Variants in MLLT3 observed in about 807,000 individuals in gnomAD.
The protein encoded by MLLT3 is MLLT3 super elongation complex subunit, also known as protein AF-9.
A neutral mutation model predicts 53.2 loss-of-function variants in MLLT3; 4 were observed. The observed-to-expected ratio is 0.08, with a 90% CI of 0.04 to 0.17. The LOEUF is 0.17. MLLT3 is among the 10% of genes least tolerant of loss of function. MLLT3 has a pLI of 1.00. For synonymous variants in MLLT3, 283 were observed against 230.6 expected (o/e 1.23, Z -2.06); for missense variants, 569 against 684.0 (o/e 0.83, Z 1.87).
At chr9:20,413,037 T>C (rs141382664) in intron 5 of MLLT3, among the ~76,000 whole-genome samples, 7 of 152,134 alleles carry the variant, frequency 4.6e-5, no homozygotes, top group Admixed American at 3.9e-4. Context: ...TCCTACCCAT[T>C]AGCAAAAACT....
intron 5 of MLLT3, among the ~76,000 whole-genome samples, chr9:20,410,227 C>A (rs1822691800): frequency 6.6e-6 from 1 of 151,986 alleles, no homozygotes; most frequent in Non-Finnish European, 1.5e-5. Context: ...AAAAGGACAC[C>A]AGAGTTCTGC....
At chr9:20,566,684 A>T (rs1819385314) in intron 2 of MLLT3, among the ~76,000 whole-genome samples, 1 of 152,110 alleles carries the variant, frequency 6.6e-6, no homozygotes. Flanking sequence ...GAAATAATCA[A>T]ACGGTTAAAG....
At chr9:20,442,437 T>C (rs942312170) in intron 4 of MLLT3, among the ~76,000 whole-genome samples, 2 of 152,180 alleles carry the variant, frequency 1.3e-5, no homozygotes, top group African/African-American at 4.8e-5. Flanking sequence ...ATTACTGGTG[T>C]CCTAGAGGAA....
chr9:20,563,846 C>A (rs182899194), intron 2 of MLLT3, among the ~76,000 whole-genome samples: 2 of 152,098 alleles, frequency 1.3e-5, no homozygotes, highest in Non-Finnish European at 2.9e-5. Context: ...GAATGACAAA[C>A]AGAATCTGTA....
At chr9:20,394,538 T>C (rs953778987) in intron 5 of MLLT3, among the ~76,000 whole-genome samples, 1 of 152,098 alleles carries the variant, frequency 6.6e-6, no homozygotes, top group African/African-American at 2.4e-5. Context: ...TCCCACTAGG[T>C]AAATTTGGGG....
In MLLT3 at chr9:20,430,175, T is replaced by TA. The variant is rs574414716; in HGVS notation, c.421-15751dup. Among the ~76,000 whole-genome samples the TA allele has an allele frequency of 5.9e-5, 9 of 152,242 alleles. No homozygotes were observed. The South Asian group carries it at 8.3e-4, about 14-fold the overall frequency. Reference sequence around the variant, plus strand: ...TAAATAAAGCATAAAACTACACAGATACTTTAAAGACATTAAATAACATTT... The same window carrying TA: ...TAAATAAAGCATAAAACTACACAGATAACTTTAAAGACATTAAATAACATTT... On this transcript the variant is annotated intron_variant, in intron 4 of 10. Transcript: ENST00000380338.
chr9:20,402,709 A>G (rs1822486329), intron 5 of MLLT3, among the ~76,000 whole-genome samples: 1 of 152,142 alleles, frequency 6.6e-6, no homozygotes, highest in Non-Finnish European at 1.5e-5. Flanking sequence ...CTGGTTGGCA[A>G]TATCCCAGAG....
intron 2 of MLLT3, among the ~76,000 whole-genome samples, chr9:20,543,723 G>C (rs577884958): frequency 5.3e-5 from 8 of 150,990 alleles, no homozygotes; most frequent in Admixed American, 2.0e-4. Context: ...GACGGAGGAG[G>C]AAGGAGGAAG....
chr9:20,617,922 T>C (rs1440161740), intron 2 of MLLT3, among the ~76,000 whole-genome samples: 1 of 152,344 alleles, frequency 6.6e-6, no homozygotes, highest in Admixed American at 6.5e-5. Context: ...TCCTACAAAT[T>C]CTAATATTAC....
At chr9:20,395,070 C>T (rs1363106466) in intron 5 of MLLT3, among the ~76,000 whole-genome samples, 2 of 152,144 alleles carry the variant, frequency 1.3e-5, no homozygotes, top group Non-Finnish European at 2.9e-5. Context: ...AGGAACTAAA[C>T]CATAGCGTCT....
intron 4 of MLLT3, among the ~76,000 whole-genome samples, chr9:20,419,145 C>T (rs1308645448): frequency 6.6e-6 from 1 of 151,964 alleles, no homozygotes; most frequent in African/African-American, 2.4e-5. Context: ...AGCAGTATGA[C>T]TACTTAAGGA....
intron 2 of MLLT3, among the ~76,000 whole-genome samples, chr9:20,506,649 C>T (rs1825387972): frequency 6.6e-6 from 1 of 152,100 alleles, no homozygotes; most frequent in Admixed American, 6.6e-5. Flanking sequence ...CAGACCTTGG[C>T]ACACATAAAT....
At position 20,342,883 on chromosome 9, in the gene MLLT3, TTAG is replaced by T. The variant is rs1820771636; in HGVS notation, c.*3557_*3559del. 1 of 180,708 alleles carries T rather than the reference TTAG, an allele frequency of 5.5e-6. No homozygotes were observed. Among genetic ancestry groups the T allele is most frequent in the African/African-American group, 2.4e-5 (1 of 41,804 alleles). The allele number at this position is 180,708 out of a possible 1,614,324, so 11.2% of individuals were successfully genotyped here. A position where few individuals can be genotyped will look rare whatever the true frequency, so the allele number is the denominator to read the frequency against. ...ATAAATATAGGAGCAGTACATAGCA[TTAG>T]TACACAAAACGCTAAAGGTGGAAAG... On this transcript the variant is annotated 3_prime_UTR_variant, in exon 11 of 11. Transcript: ENST00000380338.
Position 20,622,440 on chromosome 9 carries a change from C to G in MLLT3, c.-184G>C. ...CTTGCTCGCTCGCTCGCTTATTAAA[C>G]TCAGCCCCAAAAGCAAAAGCAGCAG... is the stretch of plus-strand genomic sequence containing the variant. On this transcript the variant is annotated 5_prime_UTR_variant, in exon 1 of 11. Transcript: ENST00000380338. 1.8e-6 allele frequency: 1 copy of G among 564,600 alleles called. No homozygotes were observed. Among genetic ancestry groups the G allele is most frequent in the Middle Eastern group, 4.1e-4 (1 of 2,434 alleles). 35.0% of individuals were successfully genotyped at this position (564,600 alleles called of 1,614,324 possible).
At chr9:20,559,628 A>G (rs1563817387) in intron 2 of MLLT3, among the ~76,000 whole-genome samples, 1 of 152,182 alleles carries the variant, frequency 6.6e-6, no homozygotes, top group Non-Finnish European at 1.5e-5. Flanking sequence ...CCTTTGGCCA[A>G]ATCACTTCAC....
chr9:20,593,251 A>G (rs1820172569), intron 2 of MLLT3, among the ~76,000 whole-genome samples: 2 of 152,174 alleles, frequency 1.3e-5, no homozygotes, highest in African/African-American at 4.8e-5. Flanking sequence ...CTCTCCTCAG[A>G]TCTCAACATT....
At chr9:20,414,828 G>T (rs1476984657) in intron 4 of MLLT3, among the ~76,000 whole-genome samples, 1 of 152,104 alleles carries the variant, frequency 6.6e-6, no homozygotes, top group African/African-American at 2.4e-5. Flanking sequence ...AATTCTGTTG[G>T]GAGCATGGGG....
At chr9:20,525,315 G>A (rs1266703152) in intron 2 of MLLT3, among the ~76,000 whole-genome samples, 2 of 151,990 alleles carry the variant, frequency 1.3e-5, no homozygotes, top group African/African-American at 4.8e-5. Flanking sequence ...TGGCCAACAT[G>A]GTGAAATCCT....
chr9:20,471,927 T>G (rs114595237), intron 2 of MLLT3, among the ~76,000 whole-genome samples: 2 of 151,288 alleles, frequency 1.3e-5, no homozygotes, highest in Non-Finnish European at 2.9e-5. Context: ...AGCTAAGAAA[T>G]AGCAAGGAAA....
Sources: gnomAD v4.1 joint callset for allele counts (sites outside exome capture counted in the v4.1 genomes callset) on GRCh38, gnomAD v4.1.1 for gene constraint, MANE v1.5 for transcripts, NCBI Gene and HGNC (gene_info 2026-07-23, HGNC 2026-07-21) for gene names.